Variants in MAP3K5 observed in about 807,000 individuals in gnomAD.
MAP3K5 encodes mitogen-activated protein kinase kinase kinase 5.
Under a neutral mutation model 158.7 loss-of-function variants are expected in MAP3K5, and 56 were observed. The ratio of observed to expected loss-of-function variants is 0.35; its 90% CI spans 0.28 to 0.44. The LOEUF (loss-of-function observed/expected upper bound fraction) is 0.44, where lower values mean the gene tolerates loss of function less well. Among genes scored for constraint, MAP3K5 ranks in the 20% least tolerant of loss-of-function variants. The probability of loss-of-function intolerance (pLI) is 1.00; values close to 1 mark genes in which losing one functional copy is unlikely to be tolerated. For missense variants in MAP3K5, 1,294 were observed against 1,674.8 expected, an observed-to-expected ratio of 0.77 and a Z score of 3.97; for synonymous variants, 579 against 601.7, an observed-to-expected ratio of 0.96 and a Z score of 0.55.
rs1777667848 is a variant in MAP3K5 at position 136,637,002 on chromosome 6, T to C, written c.2016+323A>G. The stretch of plus-strand genomic sequence containing the variant: ...CAGAATCTTCAGTGAATCTTCTTTG[T>C]CTGAATTGCACATATCTCAGAGGAG... On this transcript the variant is annotated intron_variant, in intron 14 of 29. Transcript: ENST00000359015. 3 of 1,073,748 alleles carry C rather than the reference T, an allele frequency of 2.8e-6. No individual in the cohort carries two copies. In the African/African-American group the frequency reaches 5.0e-5, roughly 18 times the overall value. The allele number at this position is 1,073,748 out of a possible 1,614,324, so 66.5% of individuals were successfully genotyped here.
chr6:136,690,966 T>C (rs893277914), intron 7 of MAP3K5, among the ~76,000 whole-genome samples: 23 of 152,192 alleles, frequency 1.5e-4, no homozygotes, highest in African/African-American at 4.6e-4. Context: ...TCAGTGGATA[T>C]AGAGTTCTTG....
At chr6:136,743,466 C>CA (rs931966205) in intron 1 of MAP3K5, among the ~76,000 whole-genome samples, 153 of 148,360 alleles carry the variant, frequency 1.0e-3, no homozygotes, top group African/African-American at 2.8e-3. Context: ...AAAACAAAAA[C>CA]AAAAAAAAAA....
At chr6:136,593,386 G>A (rs1386817470) in intron 21 of MAP3K5, among the ~76,000 whole-genome samples, 1 of 152,156 alleles carries the variant, frequency 6.6e-6, no homozygotes, top group Non-Finnish European at 1.5e-5. Flanking sequence ...CAGCAGATGG[G>A]GAAGAAAGAG....
At chr6:136,649,113 G>T (rs978424057) in intron 11 of MAP3K5, among the ~76,000 whole-genome samples, 1 of 152,304 alleles carries the variant, frequency 6.6e-6, no homozygotes. Flanking sequence ...GGGATTACAG[G>T]CAAGTGCCAC....
chr6:136,665,100 T>C (rs1220285348), intron 8 of MAP3K5, among the ~76,000 whole-genome samples: 1 of 152,192 alleles, frequency 6.6e-6, no homozygotes, highest in African/African-American at 2.4e-5. Context: ...CCTTTGTGAC[T>C]AACAAGTTAT....
chr6:136,715,351 C>T (rs1781474114), intron 2 of MAP3K5, among the ~76,000 whole-genome samples: 1 of 152,052 alleles, frequency 6.6e-6, no homozygotes, highest in South Asian at 2.1e-4. Flanking sequence ...GCAACCTTTT[C>T]CTTTTTTAAA....
intron 2 of MAP3K5, among the ~76,000 whole-genome samples, chr6:136,708,683 T>C (rs9402841): frequency 0.43 from 64,804 of 151,976 alleles, 14,971 homozygotes; most frequent in Non-Finnish European, 0.51. Context: ...AGTGGCATTG[T>C]AGAGGAAGGT....
chr6:136,694,369 T>C, intron 6 of MAP3K5, 59 bp from the exon 7 acceptor site: 2 of 1,372,456 alleles, frequency 1.5e-6, no homozygotes, highest in Non-Finnish European at 2.0e-6. Flanking sequence ...AGATCAATTC[T>C]TTTTTAAAAA....
Position 136,677,132 on chromosome 6 carries a change from A to ATTT in MAP3K5, c.1254-7740_1254-7738dup, listed in dbSNP as rs1214152994. Among the ~76,000 whole-genome samples the ATTT allele has an allele frequency of 9.2e-4, 86 of 93,370 alleles. 1 individual carries two copies. Among genetic ancestry groups the ATTT allele is most frequent in the African/African-American group, 1.6e-3 (32 of 19,642 alleles). The allele number at this position is 93,370 out of a possible 152,430, so 61.3% of individuals were successfully genotyped here. ...AGATGTTAAAATAATGATGATATCC[A>ATTT]TTTTTTTTTTTTTTTTTTTTTTTGA... On this transcript the variant is annotated intron_variant, in intron 7 of 29. Transcript: ENST00000359015.
chr6:136,563,397 T>C (rs554020918), intron 26 of MAP3K5, among the ~76,000 whole-genome samples: 160 of 152,346 alleles, frequency 1.1e-3, no homozygotes, highest in Non-Finnish European at 1.7e-3. Flanking sequence ...TTGTAAACTA[T>C]GAAAATTTGA....
At chr6:136,642,040 T>TAAA (rs1233406399) in intron 12 of MAP3K5, among the ~76,000 whole-genome samples, 2 of 107,020 alleles carry the variant, frequency 1.9e-5, no homozygotes, top group African/African-American at 7.9e-5. Flanking sequence ...AAAAATAAAA[T>TAAA]AAAATAAAAT....
intron 14 of MAP3K5, among the ~76,000 whole-genome samples, chr6:136,624,125 C>A (rs549374546): frequency 6.6e-6 from 1 of 151,932 alleles, no homozygotes; most frequent in African/African-American, 2.4e-5. Flanking sequence ...ACCTGGGAGA[C>A]GGAGGTTGCA....
At chr6:136,718,144 T>TA (rs974909647) in intron 2 of MAP3K5, among the ~76,000 whole-genome samples, 20 of 152,276 alleles carry the variant, frequency 1.3e-4, no homozygotes, top group Admixed American at 3.3e-4. Context: ...TTTGTGATAC[T>TA]AAAAAAATGC....
chr6:136,581,738 A>G (rs1235329635), intron 24 of MAP3K5, among the ~76,000 whole-genome samples: 2 of 152,180 alleles, frequency 1.3e-5, no homozygotes, highest in Non-Finnish European at 2.9e-5. Flanking sequence ...CACTTGTTCT[A>G]GAAAATCCAT....
chr6:136,581,918 A>G (rs961043146), intron 24 of MAP3K5, among the ~76,000 whole-genome samples: 12 of 152,210 alleles, frequency 7.9e-5, no homozygotes, highest in African/African-American at 2.6e-4. Context: ...CCCAATCTCT[A>G]CTAAAAATAC....
At chr6:136,704,631 C>T (rs1291624660) in intron 3 of MAP3K5, among the ~76,000 whole-genome samples, 5 of 152,116 alleles carry the variant, frequency 3.3e-5, no homozygotes, top group South Asian at 2.1e-4. Context: ...TTGCAACCTC[C>T]GCCTCCCGGG....
At chr6:136,786,960 C>T (rs6907447) in intron 1 of MAP3K5, among the ~76,000 whole-genome samples, 3,605 of 152,082 alleles carry the variant, frequency 0.024, 149 homozygotes, top group African/African-American at 0.082. Context: ...TTACTCACTC[C>T]GTTAGGTTGA....
intron 14 of MAP3K5, among the ~76,000 whole-genome samples, chr6:136,631,927 G>A (rs1777377495): frequency 1.3e-5 from 2 of 152,172 alleles, no homozygotes; most frequent in East Asian, 1.9e-4. Flanking sequence ...CTAGGCCAGA[G>A]GAGTGGGCCA....
At chr6:136,684,615 C>T (rs1780068757) in intron 7 of MAP3K5, among the ~76,000 whole-genome samples, 2 of 152,106 alleles carry the variant, frequency 1.3e-5, no homozygotes, top group South Asian at 4.1e-4. Context: ...ATGTAAGTCT[C>T]AGCTCTTTAG....
Sources: allele counts gnomAD v4.1 joint callset (sites outside exome capture counted in the v4.1 genomes callset), GRCh38; gene constraint gnomAD v4.1.1; transcripts MANE v1.5; gene names NCBI Gene and HGNC (gene_info 2026-07-23, HGNC 2026-07-21).